VKORC1L1: variants seen among roughly 807,000 people sequenced by gnomAD.
VKORC1L1 encodes the protein vitamin K epoxide reductase complex subunit 1L1.
VKORC1L1 carries 2 observed loss-of-function variants against 18.9 expected under a neutral mutation model. The ratio of observed to expected loss-of-function variants is 0.11; its 90% CI spans 0.04 to 0.33. The LOEUF is 0.33. Ranked by LOEUF, VKORC1L1 falls within the 10% of genes least tolerant of loss-of-function variation. VKORC1L1 has a pLI of 1.00. For missense variants in VKORC1L1, 123 were observed against 224.1 expected, an observed-to-expected ratio of 0.55 and a Z score of 2.88; for synonymous variants, 96 against 100.0, an observed-to-expected ratio of 0.96 and a Z score of 0.24.
chr7:65,912,388 C>T (rs929489096), intron 1 of VKORC1L1, among the ~76,000 whole-genome samples: 5 of 152,206 alleles, frequency 3.3e-5, no homozygotes, highest in Admixed American at 2.0e-4. Flanking sequence ...TGGCTCTTTC[C>T]GAGCTCACAG....
intron 1 of VKORC1L1, among the ~76,000 whole-genome samples, chr7:65,910,465 G>A (rs755329763): frequency 1.3e-5 from 2 of 152,152 alleles, no homozygotes; most frequent in Non-Finnish European, 2.9e-5. Flanking sequence ...TTGCAGCTGT[G>A]CTATCAGAAC....
intron 1 of VKORC1L1, among the ~76,000 whole-genome samples, chr7:65,917,063 C>T (rs896022116): frequency 2.0e-5 from 3 of 152,158 alleles, no homozygotes; most frequent in African/African-American, 7.2e-5. Flanking sequence ...TAGCATATCA[C>T]GTAATTAGTC....
intron 1 of VKORC1L1, among the ~76,000 whole-genome samples, chr7:65,901,012 T>G (rs1258833866): frequency 1.3e-5 from 2 of 151,946 alleles, no homozygotes; most frequent in African/African-American, 2.4e-5. Flanking sequence ...GAGAAGAAAA[T>G]GAGGCAAGAA....
At chr7:65,899,082 G>A (rs1179170587) in intron 1 of VKORC1L1, among the ~76,000 whole-genome samples, 1 of 152,228 alleles carries the variant, frequency 6.6e-6, no homozygotes, top group Non-Finnish European at 1.5e-5. Flanking sequence ...ATGGTAAAAA[G>A]TTGAAGGCTG....
intron 1 of VKORC1L1, among the ~76,000 whole-genome samples, chr7:65,918,755 A>C (rs942252120): frequency 2.6e-5 from 4 of 152,220 alleles, no homozygotes; most frequent in African/African-American, 7.2e-5. Context: ...TTTTTCTCAA[A>C]GGTGGTATAA....
chr7:65,933,968 A>G (rs920736078), intron 1 of VKORC1L1, among the ~76,000 whole-genome samples: 4 of 152,204 alleles, frequency 2.6e-5, no homozygotes, highest in African/African-American at 7.2e-5. Flanking sequence ...GCCTTATGTT[A>G]TAATTGTCAT....
intron 1 of VKORC1L1, among the ~76,000 whole-genome samples, chr7:65,927,046 G>C (rs754953156): frequency 7.2e-5 from 11 of 152,228 alleles, no homozygotes; most frequent in East Asian, 1.9e-4. Flanking sequence ...TTGCACCTTG[G>C]GGGGCTGAGA....
intron 1 of VKORC1L1, among the ~76,000 whole-genome samples, chr7:65,943,853 G>A (rs1392943885): frequency 9.2e-5 from 14 of 152,120 alleles, no homozygotes; most frequent in Admixed American, 9.2e-4. Context: ...AAGAATAAAT[G>A]TTGATATTCT....
At chr7:65,884,214 T>C (rs184687898) in intron 1 of VKORC1L1, among the ~76,000 whole-genome samples, 4 of 152,312 alleles carry the variant, frequency 2.6e-5, no homozygotes, top group Non-Finnish European at 4.4e-5. Flanking sequence ...ACTCATAGGA[T>C]TATTGTGACT....
intron 1 of VKORC1L1, among the ~76,000 whole-genome samples, chr7:65,893,109 A>G (rs1212498547): frequency 6.6e-6 from 1 of 152,226 alleles, no homozygotes; most frequent in Non-Finnish European, 1.5e-5. Context: ...GAGATTTCCA[A>G]AACATATCCA....
At chr7:65,866,535 C>T in the VKORC1L1 span, among the ~76,000 whole-genome samples, 270 of 152,152 alleles carry the variant, frequency 1.8e-3, no homozygotes, top group Admixed American at 2.9e-3. Flanking sequence ...ATTCCAGGAC[C>T]TGCAGCAGCC....
intron 1 of VKORC1L1, among the ~76,000 whole-genome samples, chr7:65,922,575 C>T (rs1257508094): frequency 2.0e-5 from 3 of 152,064 alleles, no homozygotes; most frequent in African/African-American, 7.2e-5. Flanking sequence ...TGAGCCACTG[C>T]GCCTGGCCAG....
intron 1 of VKORC1L1, among the ~76,000 whole-genome samples, chr7:65,947,494 A>C (rs1427599212): frequency 6.6e-6 from 1 of 151,904 alleles, no homozygotes; most frequent in Admixed American, 6.6e-5. Context: ...TTTTTTATTC[A>C]AAATGAATGT....
chr7:65,915,875 C>G (rs1789581020), intron 1 of VKORC1L1, among the ~76,000 whole-genome samples: 1 of 152,058 alleles, frequency 6.6e-6, no homozygotes, highest in Non-Finnish European at 1.5e-5. Flanking sequence ...CCAGCACTTG[C>G]TGAGGCGGGC....
chr7:65,946,958 G>T (rs1249309440), intron 1 of VKORC1L1, among the ~76,000 whole-genome samples: 1 of 151,388 alleles, frequency 6.6e-6, no homozygotes, highest in Non-Finnish European at 1.5e-5. Context: ...ACATGGCAAA[G>T]CTGCAACTCT....
intron 1 of VKORC1L1, among the ~76,000 whole-genome samples, chr7:65,886,995 G>A (rs148436711): frequency 0.013 from 1,994 of 150,876 alleles, 36 homozygotes; most frequent in African/African-American, 0.042. Context: ...GATTACAGGC[G>A]CACGCCACCA....
At chr7:65,948,867 A>G (rs933779790) in intron 2 of VKORC1L1, 87 bp downstream of exon 2, 32 of 1,504,442 alleles carry the variant, frequency 2.1e-5, no homozygotes, top group Non-Finnish European at 2.9e-5. Context: ...ATGTTAAAGC[A>G]TGTGTTATTT....
intron 1 of VKORC1L1, among the ~76,000 whole-genome samples, chr7:65,909,404 A>C (rs547969576): frequency 1.3e-5 from 2 of 152,210 alleles, no homozygotes; most frequent in East Asian, 3.9e-4. Flanking sequence ...AAGAGATCTT[A>C]AAAACAATTT....
intron 1 of VKORC1L1, among the ~76,000 whole-genome samples, chr7:65,898,418 A>G (rs528529880): frequency 6.6e-5 from 10 of 152,246 alleles, no homozygotes; most frequent in Admixed American, 2.6e-4. Context: ...AGGCAGTTGT[A>G]TATGAAGTAA....
Sources: gnomAD v4.1 joint callset for allele counts (sites outside exome capture counted in the v4.1 genomes callset) on GRCh38, gnomAD v4.1.1 for gene constraint, MANE v1.5 for transcripts, NCBI Gene and HGNC (gene_info 2026-07-23, HGNC 2026-07-21) for gene names.